The following KCNIP4 variants were observed in gnomAD, a reference collection of about 807,000 sequenced individuals.
KCNIP4 encodes potassium voltage-gated channel interacting protein 4.
A neutral mutation model predicts 34.0 loss-of-function variants in KCNIP4; 12 were observed. The ratio of observed to expected loss-of-function variants is 0.35; its 90% confidence interval spans 0.23 to 0.57. KCNIP4 has a LOEUF of 0.57. Ranked by LOEUF, KCNIP4 falls within the 20% of genes least tolerant of loss-of-function variation. The pLI, the probability that KCNIP4 is intolerant of heterozygous loss-of-function variation, is 0.83. For missense variants in KCNIP4, 238 were observed against 311.7 expected, an observed-to-expected ratio of 0.76 and a Z score of 1.78; for synonymous variants, 124 against 102.2, an observed-to-expected ratio of 1.21 and a Z score of -1.29.
chr4:21,762,544 T>G (rs1243110314), intron 1 of KCNIP4, among the ~76,000 whole-genome samples: 1 of 152,106 alleles, frequency 6.6e-6, no homozygotes, highest in African/African-American at 2.4e-5. Flanking sequence ...CTAACAAAAT[T>G]AATTTTGAGC....
At chr4:21,755,507 G>C (rs1409159474) in intron 1 of KCNIP4, among the ~76,000 whole-genome samples, 1 of 152,082 alleles carries the variant, frequency 6.6e-6, no homozygotes, top group Admixed American at 6.6e-5. Flanking sequence ...AAGGACAAGG[G>C]GCTAGTGACA....
At chr4:21,876,086 A>G (rs1342084961) in intron 1 of KCNIP4, among the ~76,000 whole-genome samples, 3 of 152,184 alleles carry the variant, frequency 2.0e-5, no homozygotes, top group African/African-American at 7.2e-5. Flanking sequence ...AAAAGAAAAT[A>G]CACAGGTCCA....
chr4:20,741,769 A>T (rs556903654), intron 5 of KCNIP4, among the ~76,000 whole-genome samples: 1 of 152,220 alleles, frequency 6.6e-6, no homozygotes, highest in Admixed American at 6.5e-5. Context: ...CAAAAAATCA[A>T]TGAATCCAGG....
intron 3 of KCNIP4, among the ~76,000 whole-genome samples, chr4:20,767,849 T>C (rs1307108289): frequency 1.3e-5 from 2 of 152,244 alleles, no homozygotes; most frequent in Non-Finnish European, 2.9e-5. Context: ...AAAGTGCTTG[T>C]GAAATAGTTA....
At chr4:21,844,007 T>C (rs956872135) in intron 1 of KCNIP4, 32 of 152,096 alleles carry the variant, frequency 2.1e-4, no homozygotes, top group African/African-American at 7.7e-4. Context: ...CTGAAAGGAA[T>C]AGTAAGATAA....
intron 1 of KCNIP4, among the ~76,000 whole-genome samples, chr4:21,649,587 C>T (rs1032146025): frequency 1.2e-4 from 19 of 152,076 alleles, no homozygotes; most frequent in Admixed American, 8.5e-4. Flanking sequence ...GTGAAACAGG[C>T]CTTAAAAAGT....
In KCNIP4 at chr4:21,046,534, T is replaced by TA. The variant is rs572290591; in HGVS notation, c.62-163826dup. ...TAAATAAAGCCAGGGAATATTCTAT[T>TA]AAAAAAAATAAAGAGAAACTGTTGA... On this transcript the variant is annotated intron_variant, in intron 1 of 8. Transcript: ENST00000382152. Among the ~76,000 whole-genome samples, 243 of 151,342 alleles carry TA rather than the reference T, an allele frequency of 1.6e-3. 1 individual carries two copies. The highest frequency in any genetic ancestry group is 5.6e-3 in the African/African-American group (231 of 41,062).
intron 1 of KCNIP4, among the ~76,000 whole-genome samples, chr4:21,281,105 G>C (rs997690525): frequency 3.6e-5 from 2 of 55,216 alleles, no homozygotes; most frequent in African/African-American, 1.6e-4. Context: ...TTTTTTTTTT[G>C]AGATGGAGTC....
At chr4:21,914,093 T>C (rs1381766839) in intron 1 of KCNIP4, among the ~76,000 whole-genome samples, 1 of 152,128 alleles carries the variant, frequency 6.6e-6, no homozygotes, top group Non-Finnish European at 1.5e-5. Flanking sequence ...ATTTGGCCCT[T>C]CATCCAAGAG....
At chr4:21,516,240 AT>A (rs2109935407) in intron 1 of KCNIP4, among the ~76,000 whole-genome samples, 1 of 152,308 alleles carries the variant, frequency 6.6e-6, no homozygotes, top group East Asian at 1.9e-4. Flanking sequence ...TGTCCCACGA[AT>A]AATACTTGTA....
chr4:21,870,613 C>G (rs1416822888), intron 1 of KCNIP4, among the ~76,000 whole-genome samples: 1 of 152,202 alleles, frequency 6.6e-6, no homozygotes, highest in Non-Finnish European at 1.5e-5. Context: ...TCTTAAGGCA[C>G]TATCTGCCAT....
intron 1 of KCNIP4, chr4:21,315,128 G>A (rs757026241): frequency 6.6e-6 from 1 of 152,150 alleles, no homozygotes; most frequent in African/African-American, 2.4e-5. Flanking sequence ...AACACAGATA[G>A]TAGTAACATC....
chr4:21,714,879 ATT>A (rs1288656958), intron 1 of KCNIP4, among the ~76,000 whole-genome samples: 2 of 376 alleles, frequency 5.3e-3, no homozygotes, highest in African/African-American at 0.071. Context: ...ATTTTATTTT[ATT>A]TTATTTTATT....
intron 1 of KCNIP4, chr4:21,846,531 T>A (rs1724026230): frequency 6.6e-6 from 1 of 152,130 alleles, no homozygotes; most frequent in Non-Finnish European, 1.5e-5. Flanking sequence ...ATAGGATTGC[T>A]GCGAGAATGA....
At chr4:21,832,272 T>C (rs1723033295) in intron 1 of KCNIP4, among the ~76,000 whole-genome samples, 1 of 152,202 alleles carries the variant, frequency 6.6e-6, no homozygotes, top group Non-Finnish European at 1.5e-5. Flanking sequence ...GCTAATATTA[T>C]ACTCAACAGT....
intron 1 of KCNIP4, among the ~76,000 whole-genome samples, chr4:21,783,563 C>T (rs1187275301): frequency 6.6e-6 from 1 of 152,016 alleles, no homozygotes; most frequent in African/African-American, 2.4e-5. Flanking sequence ...GTAATAAGTA[C>T]ATTTAATCAA....
At chr4:21,249,468 C>A (rs1462794624) in intron 1 of KCNIP4, among the ~76,000 whole-genome samples, 3 of 151,962 alleles carry the variant, frequency 2.0e-5, no homozygotes, top group African/African-American at 7.3e-5. Flanking sequence ...AATACTTGTC[C>A]CATACCCTGC....
chr4:21,594,936 A>T (rs978375815), intron 1 of KCNIP4, among the ~76,000 whole-genome samples: 1 of 152,058 alleles, frequency 6.6e-6, no homozygotes, highest in African/African-American at 2.4e-5. Context: ...GGTCATGAAA[A>T]GTAATGGCAA....
chr4:21,488,828 G>T (rs1732131224), intron 1 of KCNIP4, among the ~76,000 whole-genome samples: 1 of 151,980 alleles, frequency 6.6e-6, no homozygotes, highest in South Asian at 2.1e-4. Flanking sequence ...AATAAGAAAG[G>T]GTTGAAGGGT....
Sources: gnomAD v4.1 joint callset for allele counts (sites outside exome capture counted in the v4.1 genomes callset) on GRCh38, gnomAD v4.1.1 for gene constraint, MANE v1.5 for transcripts, NCBI Gene and HGNC (gene_info 2026-07-23, HGNC 2026-07-21) for gene names.